The following STXBP5L variants were observed in gnomAD, a reference collection of about 807,000 sequenced individuals.
STXBP5L encodes the protein syntaxin binding protein 5L, also known as syntaxin-binding protein 5-like.
STXBP5L carries 65 observed loss-of-function variants against 144.5 expected under a neutral mutation model. The observed-to-expected ratio is 0.45, with a 90% CI of 0.37 to 0.55. The LOEUF (loss-of-function observed/expected upper bound fraction) is 0.55, where lower values mean the gene tolerates loss of function less well. Ranked by LOEUF, STXBP5L falls within the 20% of genes least tolerant of loss-of-function variation. STXBP5L has a pLI of 0.00. For missense variants in STXBP5L, 1,298 were observed against 1,405.5 expected, an observed-to-expected ratio of 0.92 and a Z score of 1.22; for synonymous variants, 505 against 469.6, an observed-to-expected ratio of 1.08 and a Z score of -0.97.
intron 21 of STXBP5L, 113 bp downstream of exon 21, chr3:121,378,999 A>C: frequency 9.1e-7 from 1 of 1,100,092 alleles, no homozygotes; most frequent in Non-Finnish European, 1.3e-6. Context: ...AAAACTACTA[A>C]TCAGTGAATA....
intron 8 of STXBP5L, among the ~76,000 whole-genome samples, chr3:121,155,436 T>C (rs1408930938): frequency 2.0e-5 from 3 of 151,898 alleles, no homozygotes; most frequent in Non-Finnish European, 2.9e-5. Flanking sequence ...TAAATAGCCA[T>C]TGATGAATGG....
At chr3:121,042,554 T>A (rs1208232274) in intron 4 of STXBP5L, among the ~76,000 whole-genome samples, 1 of 152,020 alleles carries the variant, frequency 6.6e-6, no homozygotes, top group African/African-American at 2.4e-5. Context: ...CGGAAAAAAA[T>A]GTTTGGTTAT....
At chr3:121,190,702 G>T (rs1202705726) in intron 9 of STXBP5L, among the ~76,000 whole-genome samples, 5 of 151,990 alleles carry the variant, frequency 3.3e-5, no homozygotes, top group Non-Finnish European at 5.9e-5. Flanking sequence ...CCTCCCTGAC[G>T]GGGCGGCTGG....
chr3:121,022,508 C>G (rs1206867548), intron 3 of STXBP5L, among the ~76,000 whole-genome samples: 1 of 152,108 alleles, frequency 6.6e-6, no homozygotes, highest in Non-Finnish European at 1.5e-5. Context: ...CAAAAATCCT[C>G]AACAAAATAC....
At chr3:121,024,326 A>T (rs370908290) in intron 3 of STXBP5L, among the ~76,000 whole-genome samples, 11 of 152,214 alleles carry the variant, frequency 7.2e-5, no homozygotes, top group African/African-American at 2.2e-4. Flanking sequence ...GCTTTGCCTC[A>T]TATGCCATTA....
At chr3:121,058,921 T>C (rs1336432527) in intron 5 of STXBP5L, among the ~76,000 whole-genome samples, 2 of 152,224 alleles carry the variant, frequency 1.3e-5, no homozygotes, top group Non-Finnish European at 2.9e-5. Context: ...ATTCTGTGGG[T>C]TGCCTGTTCA....
chr3:121,247,757 T>C (rs2049903575), intron 14 of STXBP5L, among the ~76,000 whole-genome samples: 1 of 152,226 alleles, frequency 6.6e-6, no homozygotes. Context: ...CATGCCATTG[T>C]AAATAGCATG....
chr3:121,290,450 A>T (rs1577376009), intron 19 of STXBP5L, among the ~76,000 whole-genome samples: 2 of 152,154 alleles, frequency 1.3e-5, no homozygotes, highest in South Asian at 2.1e-4. Context: ...GACCAGATGG[A>T]TTCACAGCTG....
intron 19 of STXBP5L, among the ~76,000 whole-genome samples, chr3:121,301,464 C>G (rs1218915940): frequency 1.3e-5 from 2 of 152,172 alleles, no homozygotes; most frequent in Non-Finnish European, 2.9e-5. Flanking sequence ...ATGGGGTTCT[C>G]TAGCTATACA....
At chr3:120,976,602 G>T (rs976894395) in intron 3 of STXBP5L, among the ~76,000 whole-genome samples, 1 of 151,880 alleles carries the variant, frequency 6.6e-6, no homozygotes, top group Non-Finnish European at 1.5e-5. Flanking sequence ...GAATGTGTTT[G>T]CTCTTGCTTT....
chr3:121,086,378 G>A (rs189509189), intron 5 of STXBP5L, among the ~76,000 whole-genome samples: 49 of 152,140 alleles, frequency 3.2e-4, no homozygotes, highest in Middle Eastern at 6.8e-3. Context: ...ATATAAAAGA[G>A]GATAATGAAG....
chr3:121,190,063 A>T lies in STXBP5L; in HGVS notation c.878-15860A>T, dbSNP rs535269128. Among the ~76,000 whole-genome samples the T allele has an allele frequency of 6.5e-4, 97 of 150,254 alleles. No homozygotes were observed. The South Asian group carries it at 0.011, about 17-fold the overall frequency. ...TGGTTTTTTGTCCCTTTTTTTTTTA[A>T]TTTTTTTAGTATTTATTGATCATTC... On this transcript the variant is annotated intron_variant, in intron 9 of 26. Coordinates refer to ENST00000471454, the MANE Select transcript of STXBP5L (RefSeq NM_001308330.2).
At chr3:121,258,914 T>G in intron 17 of STXBP5L, 129 bp from the exon 18 acceptor site, 1 of 816,838 alleles carries the variant, frequency 1.2e-6, no homozygotes. Context: ...GAAGGCACCA[T>G]CCATCTGCAT....
intron 5 of STXBP5L, among the ~76,000 whole-genome samples, chr3:121,110,195 A>G (rs2043912289): frequency 6.6e-6 from 1 of 152,168 alleles, no homozygotes; most frequent in Non-Finnish European, 1.5e-5. Flanking sequence ...TGGGGCATTT[A>G]GCTCATTTAC....
chr3:121,390,129 A>G (rs1045144205), intron 22 of STXBP5L, among the ~76,000 whole-genome samples: 2 of 152,116 alleles, frequency 1.3e-5, no homozygotes, highest in African/African-American at 4.8e-5. Flanking sequence ...TGATCCCTTT[A>G]CCATTATGTA....
At chr3:121,000,727 C>T (rs556530921) in intron 3 of STXBP5L, among the ~76,000 whole-genome samples, 1 of 152,336 alleles carries the variant, frequency 6.6e-6, no homozygotes, top group South Asian at 2.1e-4. Context: ...CACTGATTCT[C>T]ATCTGTGTGG....
chr3:121,103,930 G>A (rs372287589), intron 5 of STXBP5L, among the ~76,000 whole-genome samples: 10 of 152,194 alleles, frequency 6.6e-5, no homozygotes, highest in South Asian at 2.1e-4. Flanking sequence ...AGGGTATTAC[G>A]TAAGTGAACG....
chr3:120,944,204 CAGTA>C (rs1710726193), intron 2 of STXBP5L, among the ~76,000 whole-genome samples: 1 of 149,276 alleles, frequency 6.7e-6, no homozygotes, highest in Non-Finnish European at 1.5e-5. Context: ...TTGGAAAAGT[CAGTA>C]AGTAGCAATG....
At chr3:121,094,432 C>T (rs1309824137) in intron 5 of STXBP5L, among the ~76,000 whole-genome samples, 1 of 151,990 alleles carries the variant, frequency 6.6e-6, no homozygotes, top group Non-Finnish European at 1.5e-5. Flanking sequence ...TCACTCAGGA[C>T]TTGCTTTATG....
Sources: allele counts gnomAD v4.1 joint callset (sites outside exome capture counted in the v4.1 genomes callset), GRCh38; gene constraint gnomAD v4.1.1; transcripts MANE v1.5; gene names NCBI Gene and HGNC (gene_info 2026-07-23, HGNC 2026-07-21).